Variants in DISC1 observed in about 807,000 individuals in gnomAD.
The protein encoded by DISC1 is DISC1 scaffold protein, also known as disrupted in schizophrenia 1 protein.
A neutral mutation model predicts 84.5 loss-of-function variants in DISC1; 57 were observed. The ratio of observed to expected loss-of-function variants is 0.67; its 90% confidence interval spans 0.55 to 0.84. The LOEUF (loss-of-function observed/expected upper bound fraction) is 0.84, where lower values mean the gene tolerates loss of function less well. Ranked by LOEUF, DISC1 falls within the 40% of genes least tolerant of loss-of-function variation. The pLI, the probability that DISC1 is intolerant of heterozygous loss-of-function variation, is 0.00. For synonymous variants in DISC1, 411 were observed against 415.2 expected (o/e 0.99, Z 0.12); for missense variants, 1,000 against 1,057.8 (o/e 0.95, Z 0.76).
chr1:231,919,101 C>T (rs994467049), intron 9 of DISC1, among the ~76,000 whole-genome samples: 1 of 152,176 alleles, frequency 6.6e-6, no homozygotes, highest in African/African-American at 2.4e-5. Flanking sequence ...CACTCAAAGT[C>T]TTCGTTGATG....
intron 9 of DISC1, among the ~76,000 whole-genome samples, chr1:231,834,454 G>A (rs777249359): frequency 7.9e-5 from 12 of 152,168 alleles, no homozygotes; most frequent in Non-Finnish European, 1.3e-4. Context: ...ATGTCTGGAC[G>A]TCAGGCATCT....
At chr1:231,637,091 G>T (rs931985268) in intron 1 of DISC1, among the ~76,000 whole-genome samples, 1 of 152,176 alleles carries the variant, frequency 6.6e-6, no homozygotes, top group Non-Finnish European at 1.5e-5. Flanking sequence ...TGCTGAGAAT[G>T]ATGGTTTCCA....
intron 9 of DISC1, among the ~76,000 whole-genome samples, chr1:231,916,445 G>C (rs2089627772): frequency 6.6e-6 from 1 of 151,902 alleles, no homozygotes; most frequent in African/African-American, 2.4e-5. Flanking sequence ...ACGAGGTCAG[G>C]AGATCGAGAC....
chr1:231,835,628 C>T (rs2082575082), intron 9 of DISC1, among the ~76,000 whole-genome samples: 2 of 152,186 alleles, frequency 1.3e-5, no homozygotes, highest in African/African-American at 4.8e-5. Context: ...GATGGCTTAG[C>T]TTGGGCTCAG....
chr1:231,865,335 A>C (rs1246507366), intron 9 of DISC1, among the ~76,000 whole-genome samples: 1 of 152,202 alleles, frequency 6.6e-6, no homozygotes, highest in Non-Finnish European at 1.5e-5. Context: ...AAAGACCACC[A>C]ATACATTGGG....
intron 1 of DISC1, among the ~76,000 whole-genome samples, chr1:231,641,573 G>C (rs1558223974): frequency 6.6e-6 from 1 of 152,214 alleles, no homozygotes; most frequent in African/African-American, 2.4e-5. Flanking sequence ...AATGTGCAAA[G>C]GGACCGGAGA....
intron 6 of DISC1, among the ~76,000 whole-genome samples, chr1:231,785,382 GA>G (rs1165773275): frequency 6.6e-6 from 1 of 151,644 alleles, no homozygotes; most frequent in Non-Finnish European, 1.5e-5. Flanking sequence ...TGCACTCAAG[GA>G]ATACTCCCAC....
intron 10 of DISC1, among the ~76,000 whole-genome samples, chr1:231,964,281 C>G (rs529527116): frequency 6.6e-6 from 1 of 152,240 alleles, no homozygotes; most frequent in African/African-American, 2.4e-5. Flanking sequence ...ACATCCTAGG[C>G]TCATCTTTTG....
At chr1:231,875,430 C>A (rs7549206) in intron 9 of DISC1, among the ~76,000 whole-genome samples, 32,859 of 152,024 alleles carry the variant, frequency 0.22, 3,600 homozygotes, top group Middle Eastern at 0.29. Flanking sequence ...CTGGCAATGT[C>A]TGCTGCTGTA....
intron 6 of DISC1, among the ~76,000 whole-genome samples, chr1:231,794,926 T>TA: frequency 6.6e-6 from 1 of 152,284 alleles, no homozygotes; most frequent in East Asian, 1.9e-4. Flanking sequence ...GGAAGGTTGT[T>TA]ATAGGAATGC....
At chr1:231,935,171 C>T (rs1409149875) in intron 9 of DISC1, among the ~76,000 whole-genome samples, 1 of 152,128 alleles carries the variant, frequency 6.6e-6, no homozygotes, top group African/African-American at 2.4e-5. Context: ...TGTGGCATGT[C>T]GTGAGTGTTT....
chr1:231,843,579 G>C (rs1182369313), intron 9 of DISC1, among the ~76,000 whole-genome samples: 1 of 152,198 alleles, frequency 6.6e-6, no homozygotes, highest in Non-Finnish European at 1.5e-5. Context: ...GGTGACAGGA[G>C]AGCAGCTGTG....
chr1:231,837,303 C>T (rs1004240937), intron 9 of DISC1, among the ~76,000 whole-genome samples: 14 of 152,108 alleles, frequency 9.2e-5, no homozygotes, highest in African/African-American at 2.4e-4. Flanking sequence ...TGGCTGTCAC[C>T]GTGAAATGTG....
intron 9 of DISC1, among the ~76,000 whole-genome samples, chr1:231,957,798 T>C (rs1459667798): frequency 6.6e-6 from 1 of 152,210 alleles, no homozygotes; most frequent in Non-Finnish European, 1.5e-5. Context: ...AATGGCAGGG[T>C]ACTTTTTCCA....
chr1:231,922,440 C>G (rs777575784), intron 9 of DISC1, among the ~76,000 whole-genome samples: 5 of 152,178 alleles, frequency 3.3e-5, no homozygotes, highest in Non-Finnish European at 7.3e-5. Context: ...ACATTATTCC[C>G]TTTCACAGAT....
intron 2 of DISC1, among the ~76,000 whole-genome samples, chr1:231,695,640 C>T (rs1219416179): frequency 6.7e-6 from 1 of 148,540 alleles, no homozygotes; most frequent in Non-Finnish European, 1.5e-5. Context: ...TGTGTGTGTG[C>T]ATGTTTGTGC....
At chr1:231,818,132 G>A (rs1228409767) in intron 8 of DISC1, among the ~76,000 whole-genome samples, 197 bp from the exon 9 acceptor site, 2 of 152,150 alleles carry the variant, frequency 1.3e-5, no homozygotes, top group Non-Finnish European at 2.9e-5. Context: ...TAAAAAAGAC[G>A]GTGATTTTTC....
chr1:231,911,966 G>C (rs904894830), intron 9 of DISC1, among the ~76,000 whole-genome samples: 1 of 152,046 alleles, frequency 6.6e-6, no homozygotes, highest in Non-Finnish European at 1.5e-5. Context: ...GATCGAATCA[G>C]CTACTGACAC....
intron 1 of DISC1, among the ~76,000 whole-genome samples, chr1:231,692,502 G>A (rs1015456784): frequency 6.6e-6 from 1 of 152,200 alleles, no homozygotes; most frequent in Non-Finnish European, 1.5e-5. Context: ...TGCCATGATC[G>A]TAGCTCAGTG....
Sources: allele counts gnomAD v4.1 joint callset (sites outside exome capture counted in the v4.1 genomes callset), GRCh38; gene constraint gnomAD v4.1.1; transcripts MANE v1.5; gene names NCBI Gene and HGNC (gene_info 2026-07-23, HGNC 2026-07-21).